The following SLC49A4 variants were observed in gnomAD, a reference collection of about 807,000 sequenced individuals.
SLC49A4 encodes disrupted in renal cancer protein 2.
Under a neutral mutation model 50.6 loss-of-function variants are expected in SLC49A4, and 36 were observed. The observed-to-expected ratio is 0.71, with a 90% confidence interval of 0.55 to 0.94. The LOEUF is 0.94. Among genes scored for constraint, SLC49A4 ranks in the 40% least tolerant of loss-of-function variants. The pLI, the probability that SLC49A4 is intolerant of heterozygous loss-of-function variation, is 0.00. For synonymous variants in SLC49A4, 248 were observed against 241.2 expected (o/e 1.03, Z -0.26); for missense variants, 503 against 605.7 (o/e 0.83, Z 1.78).
At chr3:122,801,448 C>G (rs1305537178) in intron 1 of SLC49A4, among the ~76,000 whole-genome samples, 1 of 152,048 alleles carries the variant, frequency 6.6e-6, no homozygotes, top group Non-Finnish European at 1.5e-5. Context: ...AGAAATTAGC[C>G]AGGTCTGGTG....
At chr3:122,825,392 CAG>C (rs1472834364) in intron 2 of SLC49A4, among the ~76,000 whole-genome samples, 1 of 152,074 alleles carries the variant, frequency 6.6e-6, no homozygotes, top group African/African-American at 2.4e-5. Context: ...TCCCCTTACA[CAG>C]AGAGATTTTT....
intron 1 of SLC49A4, among the ~76,000 whole-genome samples, chr3:122,796,263 A>C (rs1000533780): frequency 6.6e-6 from 1 of 152,240 alleles, no homozygotes; most frequent in African/African-American, 2.4e-5. Context: ...ATAAATGATT[A>C]GTAGTGACAG....
At position 122,806,929 on chromosome 3, in the gene SLC49A4, C is replaced by T; in HGVS notation, c.416C>T (p.Ser139Leu). The T allele has an allele frequency of 6.3e-7, 1 of 1,595,314 alleles. No homozygotes were observed. Among genetic ancestry groups the T allele is most frequent in the Non-Finnish European group, 8.6e-7 (1 of 1,164,262 alleles). Residue 139 changes from serine (S) to leucine (L), a missense_variant, in exon 2 of 9, where the codon TCA (serine) becomes TTA (leucine). By Grantham distance (145) the Ser-to-Leu change is moderately radical. Transcript: ENST00000261038. ...ACTGGTCTAAGATGCATACCTATAT[C>T]AGACTTAATCCTTAAAAGAAGGTAA... is the stretch of plus-strand genomic sequence containing the variant. ...LGTGLRCIPI[S>L]DLILKRRLIH...
chr3:122,863,460 G>A (rs564963755), intron 7 of SLC49A4, among the ~76,000 whole-genome samples: 4 of 152,322 alleles, frequency 2.6e-5, no homozygotes, highest in Admixed American at 1.3e-4. Context: ...CTCTTATTCA[G>A]CACTTGCTGT....
intron 8 of SLC49A4, among the ~76,000 whole-genome samples, chr3:122,875,335 G>A (rs1576313974): frequency 1.3e-5 from 2 of 152,120 alleles, no homozygotes; most frequent in Non-Finnish European, 2.9e-5. Context: ...TATTAGTTAT[G>A]TGATTAGAAG....
rs369259024 is a variant in SLC49A4 at position 122,833,371 on chromosome 3, G to A, written c.758G>A (p.Arg253Gln). 52 of 1,610,916 alleles carry A rather than the reference G, an allele frequency of 3.2e-5. No individual in the cohort carries two copies. The highest frequency in any genetic ancestry group is 4.0e-5 in the Non-Finnish European group (47 of 1,177,744). ...GCAACACTAGCTTATTTCCCACCCC[G>A]ACCTCCTCTTCCTCCCAGTGTTGCT... ...FSATLAYFPPRPPLPPSVAAA... is the reference protein window; with the variant it reads ...FSATLAYFPPQPPLPPSVAAA... Residue 253 changes from arginine to glutamine, a missense_variant, in exon 4 of 9, where the codon CGA becomes CAA. Physicochemically the swap from Arg to Gln is conservative, Grantham distance 43. Transcript: ENST00000261038.
chr3:122,840,341 A>T (rs1303790175), intron 4 of SLC49A4, among the ~76,000 whole-genome samples: 1 of 152,254 alleles, frequency 6.6e-6, no homozygotes, highest in East Asian at 1.9e-4. Context: ...TATCCAATTC[A>T]TCCTTGTAAC....
intron 8 of SLC49A4, among the ~76,000 whole-genome samples, chr3:122,876,831 C>T (rs1245812517): frequency 6.6e-6 from 1 of 152,190 alleles, no homozygotes. Context: ...CCATTTGGTG[C>T]AGAGCCCACT....
At chr3:122,867,172 TG>T (rs1937131326) in intron 7 of SLC49A4, among the ~76,000 whole-genome samples, 1 of 152,266 alleles carries the variant, frequency 6.6e-6, no homozygotes, top group Non-Finnish European at 1.5e-5. Flanking sequence ...TTCATCTTTT[TG>T]TTTGTAACCT....
At chr3:122,828,352 A>T (rs1365872100) in intron 3 of SLC49A4, among the ~76,000 whole-genome samples, 1 of 152,224 alleles carries the variant, frequency 6.6e-6, no homozygotes, top group African/African-American at 2.4e-5. Context: ...TTGGAGGTAA[A>T]GTAGAGCTTC....
chr3:122,796,443 C>G (rs1217323204), intron 1 of SLC49A4, among the ~76,000 whole-genome samples: 1 of 152,136 alleles, frequency 6.6e-6, no homozygotes, highest in African/African-American at 2.4e-5. Flanking sequence ...AACAAAATAC[C>G]ATAAACTGGG....
chr3:122,808,790 A>G (rs552219728), intron 2 of SLC49A4, among the ~76,000 whole-genome samples: 2 of 152,336 alleles, frequency 1.3e-5, no homozygotes, highest in African/African-American at 4.8e-5. Flanking sequence ...GGCTTGGACC[A>G]TAGTGGTGGC....
At chr3:122,831,194 G>A (rs953462196) in intron 3 of SLC49A4, among the ~76,000 whole-genome samples, 2 of 152,076 alleles carry the variant, frequency 1.3e-5, no homozygotes, top group Admixed American at 1.3e-4. Flanking sequence ...GTAAAATGGT[G>A]TAGCCGCATT....
At chr3:122,803,852 A>T (rs1936171299) in intron 1 of SLC49A4, among the ~76,000 whole-genome samples, 1 of 152,232 alleles carries the variant, frequency 6.6e-6, no homozygotes, top group African/African-American at 2.4e-5. Context: ...TGAATGTTGG[A>T]TGCCATGTTT....
chr3:122,834,110 A>C (rs1308398946), intron 4 of SLC49A4, among the ~76,000 whole-genome samples: 1 of 152,176 alleles, frequency 6.6e-6, no homozygotes, highest in African/African-American at 2.4e-5. Flanking sequence ...AGACTTTGTC[A>C]TTTGAAATTT....
chr3:122,869,180 A>G (rs1937160218), intron 7 of SLC49A4, among the ~76,000 whole-genome samples: 1 of 152,172 alleles, frequency 6.6e-6, no homozygotes, highest in Non-Finnish European at 1.5e-5. Context: ...AAATTCAAGT[A>G]GTAGAAAAAG....
chr3:122,839,273 C>T (rs571184001), intron 4 of SLC49A4, among the ~76,000 whole-genome samples: 1 of 152,108 alleles, frequency 6.6e-6, no homozygotes, highest in Non-Finnish European at 1.5e-5. Flanking sequence ...AATATAAGAT[C>T]TGAAACCATA....
chr3:122,801,844 G>T (rs146219884), intron 1 of SLC49A4, among the ~76,000 whole-genome samples: 2 of 152,180 alleles, frequency 1.3e-5, no homozygotes, highest in Non-Finnish European at 2.9e-5. Context: ...CAGTGAAGGC[G>T]AATGACCTGG....
Position 122,820,024 on chromosome 3 carries a change from T to C in SLC49A4, c.438-6776T>C, listed in dbSNP as rs9289206. 6.8e-3 allele frequency among the ~76,000 whole-genome samples: 1,043 copies of C among 152,310 alleles called. 15 individuals are homozygous for C. The highest frequency in any genetic ancestry group is 0.024 in the African/African-American group (986 of 41,576). On this transcript the variant is annotated intron_variant, in intron 2 of 8. Coordinates refer to ENST00000261038, the MANE Select transcript of SLC49A4 (RefSeq NM_032839.3). ...ATACTAGAATAGCACTGAGGAAGTA[T>C]CTGCCAGATTTCTAAAAAGCCAACT...
Sources: gnomAD v4.1 joint callset for allele counts (sites outside exome capture counted in the v4.1 genomes callset) on GRCh38, gnomAD v4.1.1 for gene constraint, MANE v1.5 for transcripts, NCBI Gene and HGNC (gene_info 2026-07-23, HGNC 2026-07-21) for gene names.